CEACAM19: variants seen among roughly 807,000 people sequenced by gnomAD.
CEACAM19 encodes CEA cell adhesion molecule 19, also known as cell adhesion molecule CEACAM19.
A neutral mutation model predicts 37.6 loss-of-function variants in CEACAM19; 37 were observed. That is an observed-to-expected ratio of 0.98 (90% confidence interval 0.76 to 1.29). The LOEUF (loss-of-function observed/expected upper bound fraction) is 1.29. Among genes scored for constraint, CEACAM19 ranks in the 50% most tolerant of loss-of-function variants. The probability of loss-of-function intolerance (pLI) is 0.00; values close to 1 mark genes in which losing one functional copy is unlikely to be tolerated. For synonymous variants in CEACAM19, 140 were observed against 149.8 expected (o/e 0.93, Z 0.48); for missense variants, 340 against 375.6 (o/e 0.91, Z 0.78).
chr19:44,671,825 C>A lies in CEACAM19; in HGVS notation c.-107C>A. On this transcript the variant is annotated 5_prime_UTR_variant, in exon 1 of 8. Transcript: ENST00000358777. ...AGCCCCAGCGGTGTCTCTAAGGCAC[C>A]CCTGGGATCCCCACTGAGCTGGCCT... The A allele has an allele frequency of 1.1e-6, 1 of 947,740 alleles. No homozygotes were observed. The highest frequency in any genetic ancestry group is 1.5e-5 in the South Asian group (1 of 68,664). 58.7% of individuals were successfully genotyped at this position (947,740 alleles called of 1,614,324 possible).
Position 44,671,623 on chromosome 19 carries a change from G to T in CEACAM19, c.-309G>T. ...AGGCTGTTATGACTATTGCTACAGT[G>T]ACTGCTGTTGTAGTCACGCTGAGTG... On this transcript the variant is annotated 5_prime_UTR_variant, in exon 1 of 8. Transcript: ENST00000358777. The T allele has an allele frequency of 2.2e-6, 1 of 445,032 alleles. No individual in the cohort carries two copies. Among genetic ancestry groups the T allele is most frequent in the South Asian group, 7.3e-5 (1 of 13,706 alleles). 27.6% of individuals were successfully genotyped at this position (445,032 alleles called of 1,614,324 possible). A position where few individuals can be genotyped will look rare whatever the true frequency, so the allele number is the denominator to read the frequency against.
chr19:44,672,262 G>C (rs893619869), intron 1 of CEACAM19, among the ~76,000 whole-genome samples: 1 of 152,038 alleles, frequency 6.6e-6, no homozygotes, highest in African/African-American at 2.4e-5. Context: ...ACATATAGTT[G>C]GTATTATAGC....
At chr19:44,678,250 T>G (rs1207085485) in intron 3 of CEACAM19, 1 of 152,310 alleles carries the variant, frequency 6.6e-6, no homozygotes, top group Non-Finnish European at 1.5e-5. Flanking sequence ...CCTCCCAAAG[T>G]GCTCGAATTA....
chr19:44,667,007 C>T (rs2123780265), upstream of CEACAM19: 1 of 151,918 alleles, frequency 6.6e-6, no homozygotes, highest in African/African-American at 2.4e-5. Context: ...ACAAAATACC[C>T]CAGCCATATG....
At chr19:44,681,096 A>G in intron 5 of CEACAM19, 131 bp from the exon 6 acceptor site, 1 of 674,284 alleles carries the variant, frequency 1.5e-6, no homozygotes, top group South Asian at 1.8e-5. Context: ...TGTCCCCAGC[A>G]CTGGGTTTGG....
At chr19:44,677,513 A>G (rs890777549) in intron 3 of CEACAM19, 1 of 152,076 alleles carries the variant, frequency 6.6e-6, no homozygotes, top group African/African-American at 2.4e-5. Context: ...TATTCGTGAA[A>G]AATTCCTTTC....
chr19:44,678,661 T>G (rs1973996161), intron 3 of CEACAM19, 192 bp from the exon 4 acceptor site: 1 of 659,074 alleles, frequency 1.5e-6, no homozygotes, highest in East Asian at 3.4e-5. Context: ...TCTGCCCACC[T>G]TGGCCTCCCA....
At chr19:44,667,823 AT>A (rs1373761261), upstream of CEACAM19, among the ~76,000 whole-genome samples, 15 of 75,248 alleles carry the variant, frequency 2.0e-4, no homozygotes, top group African/African-American at 8.3e-4. Context: ...TTATATATAA[AT>A]TATATATTTT....
At chr19:44,672,075 T>C (rs1270242878) in intron 1 of CEACAM19, 89 bp downstream of exon 1, 9 of 1,066,538 alleles carry the variant, frequency 8.4e-6, no homozygotes, top group Non-Finnish European at 9.8e-6. Context: ...AGGGAAAGAT[T>C]ACCTGAGAGG....
rs947757919 is a variant in CEACAM19, at chr19:44,672,765, G to A, written c.225G>A (p.Thr75=). The A allele has an allele frequency of 5.7e-6, 9 of 1,581,460 alleles. No individual in the cohort carries two copies. The highest frequency in any genetic ancestry group is 2.3e-5 in the East Asian group (1 of 43,448). The change falls in exon 2 of 8, where the codon ACG becomes ACA. Residue 75 remains threonine (T), a synonymous_variant. Coordinates refer to ENST00000358777, the MANE Select transcript of CEACAM19 (RefSeq NM_001127893.3). ...WYLGEETYGG[T]RLFTYIPGIQ... The stretch of plus-strand genomic sequence containing the variant: ...TGGGGGAGGAGACGTACGGAGGCAC[G>A]AGGCTATTTACCTACATCCCTGGGA...
intron 1 of CEACAM19, among the ~76,000 whole-genome samples, chr19:44,672,257 T>G (rs550888107): frequency 1.3e-5 from 2 of 152,270 alleles, no homozygotes; most frequent in African/African-American, 4.8e-5. Flanking sequence ...GTATTACATA[T>G]AGTTGGTATT....
At position 44,671,569 on chromosome 19, in the gene CEACAM19, G is replaced by T; in HGVS notation, c.-363G>T. 2.4e-6 allele frequency: 1 copy of T among 412,578 alleles called. No homozygotes were observed. Among genetic ancestry groups the T allele is most frequent in the South Asian group, 1.1e-4 (1 of 8,920 alleles). 25.6% of individuals were successfully genotyped at this position (412,578 alleles called of 1,614,324 possible). A position where few individuals can be genotyped will look rare whatever the true frequency, so the allele number is the denominator to read the frequency against. Reference sequence around the variant, plus strand: ...CTGCTGAATGAGGCAGTGTGTGTTTGAACAAACCCAGGGGAATTGTTCAAA... The same window carrying T: ...CTGCTGAATGAGGCAGTGTGTGTTTTAACAAACCCAGGGGAATTGTTCAAA... On this transcript the variant is annotated 5_prime_UTR_variant, in exon 1 of 8. The change creates a premature stop within an existing upstream ORF in the 5' untranslated region. Coordinates refer to ENST00000358777, the MANE Select transcript of CEACAM19 (RefSeq NM_001127893.3).
chr19:44,684,239 T>C lies in CEACAM19; in HGVS notation c.*749T>C, dbSNP rs1214536170. On this transcript the variant is annotated 3_prime_UTR_variant, in exon 8 of 8. Transcript: ENST00000358777. Reference sequence around the variant, plus strand: ...TTCAGCAATAAATGAGCCTTTGCTGTATGCCAGACCCAGTTCTAGGCTCTT... The same window carrying C: ...TTCAGCAATAAATGAGCCTTTGCTGCATGCCAGACCCAGTTCTAGGCTCTT... 6.6e-6 allele frequency: 1 copy of C among 152,226 alleles called. No homozygotes were observed. The highest frequency in any genetic ancestry group is 1.5e-5 in the Non-Finnish European group (1 of 68,072). 9.4% of individuals were successfully genotyped at this position (152,226 alleles called of 1,614,324 possible).
intron 6 of CEACAM19, among the ~76,000 whole-genome samples, chr19:44,681,952 G>T (rs377171213): frequency 2.0e-5 from 3 of 151,526 alleles, no homozygotes; most frequent in East Asian, 1.9e-4. Flanking sequence ...AAGTTATTTA[G>T]ATTAAATAAA....
At chr19:44,670,322 T>TAA (rs78422289), upstream of CEACAM19, among the ~76,000 whole-genome samples, 5 of 127,182 alleles carry the variant, frequency 3.9e-5, no homozygotes, top group Non-Finnish European at 5.1e-5. Flanking sequence ...GACCCTGTCT[T>TAA]AAAAAAAAAA....
intron 6 of CEACAM19, among the ~76,000 whole-genome samples, chr19:44,682,083 C>A (rs1216156356): frequency 6.6e-6 from 1 of 152,052 alleles, no homozygotes; most frequent in Admixed American, 6.6e-5. Flanking sequence ...CATAGCTAGA[C>A]CCCATCTCTA....
At chr19:44,670,728 G>A (rs996371379), upstream of CEACAM19, among the ~76,000 whole-genome samples, 9 of 140,750 alleles carry the variant, frequency 6.4e-5, no homozygotes, top group Non-Finnish European at 9.1e-5. Flanking sequence ...ATATTTAAAT[G>A]GTAAGACAAC....
chr19:44,678,352 C>T (rs1479903044), intron 3 of CEACAM19: 1 of 152,478 alleles, frequency 6.6e-6, no homozygotes, highest in African/African-American at 2.4e-5. Flanking sequence ...TTGCTGGGCT[C>T]AAGCCATCCT....
chr19:44,677,083 G>C (rs182916784), intron 3 of CEACAM19, among the ~76,000 whole-genome samples: 1 of 152,136 alleles, frequency 6.6e-6, no homozygotes, highest in Non-Finnish European at 1.5e-5. Flanking sequence ...CACTCCCAGG[G>C]GGCCCAGGCT....
Sources: gnomAD v4.1 joint callset for allele counts (sites outside exome capture counted in the v4.1 genomes callset) on GRCh38, gnomAD v4.1.1 for gene constraint, MANE v1.5 for transcripts, NCBI Gene and HGNC (gene_info 2026-07-23, HGNC 2026-07-21) for gene names.